CEP128: variants seen among roughly 807,000 people sequenced by gnomAD.
CEP128 encodes the protein centrosomal protein 128.
Under a neutral mutation model 156.7 loss-of-function variants are expected in CEP128, and 132 were observed. The observed-to-expected ratio is 0.84, with a 90% CI of 0.73 to 0.97. The LOEUF (loss-of-function observed/expected upper bound fraction) is 0.97, where lower values mean the gene tolerates loss of function less well. Ranked by LOEUF, CEP128 falls within the 50% of genes least tolerant of loss-of-function variation. The probability of loss-of-function intolerance (pLI) is 0.00; values close to 1 mark genes in which losing one functional copy is unlikely to be tolerated. For missense variants in CEP128, 1,252 were observed against 1,281.9 expected, an observed-to-expected ratio of 0.98 and a Z score of 0.36; for synonymous variants, 469 against 448.9, an observed-to-expected ratio of 1.04 and a Z score of -0.57.
At chr14:80,916,301 G>T in intron 3 of CEP128, 100 bp downstream of exon 3, 1 of 946,004 alleles carries the variant, frequency 1.1e-6, no homozygotes, top group Non-Finnish European at 1.6e-6. Flanking sequence ...TAGCTTTGCA[G>T]TAATTTGTTA....
At chr14:80,858,948 G>A (rs1313931037) in intron 9 of CEP128, among the ~76,000 whole-genome samples, 6 of 152,030 alleles carry the variant, frequency 3.9e-5, no homozygotes, top group African/African-American at 1.4e-4. Context: ...CACTGTTGGT[G>A]GGACTGTAAA....
rs558790656 is a variant in CEP128, at chr14:80,479,575, C to T, written c.*311-1168G>A. Among the ~76,000 whole-genome samples the T allele has an allele frequency of 1.7e-3, 259 of 152,288 alleles. 1 individual carries two copies. The highest frequency in any genetic ancestry group is 1.7e-3 in the Non-Finnish European group (118 of 68,030). ...TAGGCCCCCATGATTGAATTACCTT[C>T]CACTGGGTCCCTCCCACAACATGTG... On this transcript the variant is annotated intron_variant and NMD_transcript_variant, in intron 14 of 14. Coordinates refer to the CEP128 transcript ENST00000554502.
intron 21 of CEP128, among the ~76,000 whole-genome samples, chr14:80,551,134 C>G (rs1297780309): frequency 1.3e-5 from 2 of 152,126 alleles, no homozygotes; most frequent in African/African-American, 2.4e-5. Flanking sequence ...TCTATCAGCC[C>G]TACAAAGTTC....
At chr14:80,568,943 G>A (rs2140405241) in intron 20 of CEP128, among the ~76,000 whole-genome samples, 1 of 152,232 alleles carries the variant, frequency 6.6e-6, no homozygotes, top group South Asian at 2.1e-4. Flanking sequence ...TCCTACCTAT[G>A]AAATACTTAA....
chr14:80,855,279 AG>A (rs35850184), intron 9 of CEP128, among the ~76,000 whole-genome samples: 2 of 152,136 alleles, frequency 1.3e-5, no homozygotes, highest in African/African-American at 4.8e-5. Context: ...GTCCTGTCCA[AG>A]GACTCAATTC....
At chr14:80,894,629 CAGA>C (rs754165654) in intron 8 of CEP128, 28 of 476,544 alleles carry the variant, frequency 5.9e-5, no homozygotes, top group Admixed American at 2.4e-4. Flanking sequence ...TCTACTTCAG[CAGA>C]AGACAGGCAT....
At chr14:80,651,640 T>G (rs1459440289) in intron 19 of CEP128, among the ~76,000 whole-genome samples, 1 of 152,112 alleles carries the variant, frequency 6.6e-6, no homozygotes, top group East Asian at 1.9e-4. Flanking sequence ...TGGTTTCAAA[T>G]AACTTAATTA....
rs76283538 is a variant in CEP128, at chr14:80,574,356, T to G, written c.2856+6018A>C. On this transcript the variant is annotated intron_variant, in intron 20 of 24. Coordinates refer to ENST00000555265, the MANE Select transcript of CEP128 (RefSeq NM_152446.5). The stretch of plus-strand genomic sequence containing the variant: ...ACCCTGCATTTCTACCTGCAATCTC[T>G]AAAAGTACTGGTTATGGGCATGCTA... Among the ~76,000 whole-genome samples the G allele has an allele frequency of 5.6e-4, 86 of 152,254 alleles. No individual in the cohort carries two copies. In the East Asian group the frequency reaches 0.015, roughly 27 times the overall value.
chr14:80,626,270 C>T (rs1255270889), intron 19 of CEP128, among the ~76,000 whole-genome samples: 3 of 151,382 alleles, frequency 2.0e-5, no homozygotes, highest in Non-Finnish European at 4.4e-5. Context: ...CGAGACCATC[C>T]TGGCTAACAA....
At chr14:80,902,886 C>G (rs1883659673) in intron 6 of CEP128, among the ~76,000 whole-genome samples, 1 of 152,142 alleles carries the variant, frequency 6.6e-6, no homozygotes, top group Non-Finnish European at 1.5e-5. Context: ...GGAAACAAAA[C>G]ACGTCCAATT....
At chr14:80,512,328 C>G (rs1466813240) in intron 23 of CEP128, among the ~76,000 whole-genome samples, 1 of 151,788 alleles carries the variant, frequency 6.6e-6, no homozygotes, top group Non-Finnish European at 1.5e-5. Context: ...ATATGATAAC[C>G]TTGTCTATGA....
chr14:80,676,042 C>T (rs1056380703), intron 19 of CEP128, among the ~76,000 whole-genome samples: 2 of 152,076 alleles, frequency 1.3e-5, no homozygotes, highest in Non-Finnish European at 1.5e-5. Context: ...TGTTAATCTA[C>T]ACATTCCTAA....
At chr14:80,706,559 T>C (rs553796330) in intron 19 of CEP128, among the ~76,000 whole-genome samples, 1 of 152,238 alleles carries the variant, frequency 6.6e-6, no homozygotes, top group East Asian at 1.9e-4. Context: ...AGCTGTCATT[T>C]ATCTCTGCTG....
intron 19 of CEP128, among the ~76,000 whole-genome samples, chr14:80,679,315 C>A (rs780716825): frequency 1.7e-4 from 26 of 152,260 alleles, no homozygotes; most frequent in Admixed American, 5.9e-4. Flanking sequence ...TCTTGCAGAG[C>A]GCCTATAAAC....
intron 19 of CEP128, among the ~76,000 whole-genome samples, chr14:80,600,680 G>A (rs1892543813): frequency 6.6e-6 from 1 of 152,000 alleles, no homozygotes; most frequent in South Asian, 2.1e-4. Flanking sequence ...CAGTATAAAT[G>A]TATTTTTTCT....
intron 19 of CEP128, among the ~76,000 whole-genome samples, chr14:80,612,576 C>T (rs1445435713): frequency 1.3e-5 from 2 of 152,096 alleles, no homozygotes; most frequent in Non-Finnish European, 2.9e-5. Flanking sequence ...TTTGAGAGTA[C>T]ATGAATTACT....
intron 19 of CEP128, among the ~76,000 whole-genome samples, chr14:80,597,803 T>C (rs1233324612): frequency 6.6e-6 from 1 of 151,880 alleles, no homozygotes; most frequent in African/African-American, 2.4e-5. Context: ...TGAAAATCAA[T>C]GTAATCCATT....
chr14:80,763,465 CA>C (rs1251743370), intron 16 of CEP128, among the ~76,000 whole-genome samples: 1 of 152,124 alleles, frequency 6.6e-6, no homozygotes, highest in Non-Finnish European at 1.5e-5. Context: ...CATTAGAAAG[CA>C]ACATTATTAC....
At chr14:80,589,169 G>A (rs1357690606) in intron 19 of CEP128, among the ~76,000 whole-genome samples, 1 of 152,056 alleles carries the variant, frequency 6.6e-6, no homozygotes, top group Admixed American at 6.6e-5. Context: ...GAAAAGGCAA[G>A]AAAACAGACT....
Sources: allele counts gnomAD v4.1 joint callset (sites outside exome capture counted in the v4.1 genomes callset), GRCh38; gene constraint gnomAD v4.1.1; transcripts MANE v1.5; gene names NCBI Gene and HGNC (gene_info 2026-07-23, HGNC 2026-07-21).